Variants in JAK1 observed in about 807,000 individuals in gnomAD.
JAK1 encodes tyrosine-protein kinase JAK1.
A neutral mutation model predicts 136.6 loss-of-function variants in JAK1; 16 were observed. The ratio of observed to expected loss-of-function variants is 0.12; its 90% CI spans 0.08 to 0.18. The LOEUF is 0.18. JAK1 is among the 10% of genes least tolerant of loss of function. The pLI is 1.00. For missense variants in JAK1, 859 were observed against 1,450.1 expected (o/e 0.59, Z 6.62); for synonymous variants, 492 against 519.5 (o/e 0.95, Z 0.72).
At chr1:64,974,192 G>C (rs958338058) in intron 2 of JAK1, 4 of 152,104 alleles carry the variant, frequency 2.6e-5, no homozygotes, top group African/African-American at 9.7e-5. Flanking sequence ...AAAAAAACTT[G>C]ATTCTGATTT....
rs79182842 is a variant in JAK1 at position 64,936,080 on chromosome 1, G to A, written c.-78+30253C>T. Among the ~76,000 whole-genome samples, 1,210 of 152,282 alleles carry A rather than the reference G, an allele frequency of 7.9e-3. 6 individuals carry two copies. Among genetic ancestry groups the A allele is most frequent in the African/African-American group, 0.027 (1,119 of 41,566 alleles). On this transcript the variant is annotated intron_variant, in intron 1 of 24. Coordinates refer to ENST00000342505, the MANE Select transcript of JAK1 (RefSeq NM_002227.4). ...CCAGTGTCAATATGGGATCCGGCAG[G>A]AAGAGGCCAATGTGCAATTACTAAA...
intron 2 of JAK1, chr1:64,972,116 C>T (rs1359333318): frequency 2.0e-5 from 3 of 152,142 alleles, no homozygotes; most frequent in Non-Finnish European, 4.4e-5. Flanking sequence ...TACAATGACC[C>T]TAGTAGATGG....
rs1313928160 is a variant in JAK1, at chr1:64,887,082, A to G, written c.-77-741T>C. 1.3e-5 allele frequency among the ~76,000 whole-genome samples: 2 copies of G among 152,304 alleles called. 1 individual carries two copies. The highest frequency in any genetic ancestry group is 6.8e-3 in the Middle Eastern group (2 of 294). On this transcript the variant is annotated intron_variant, in intron 1 of 24. Coordinates refer to ENST00000342505, the MANE Select transcript of JAK1 (RefSeq NM_002227.4). The stretch of plus-strand genomic sequence containing the variant: ...GCCAGCATCCCCACAGGGCCTTACA[A>G]TAGAAGGTTGGAGACAGCACAAATG...
intron 4 of JAK1, among the ~76,000 whole-genome samples, chr1:64,878,401 C>T (rs565327666): frequency 6.6e-6 from 1 of 152,148 alleles, no homozygotes; most frequent in East Asian, 1.9e-4. Flanking sequence ...TACAGCTCCA[C>T]AGCCAAAAAT....
chr1:65,009,148 T>A (rs1553180848), intron 2 of JAK1, among the ~76,000 whole-genome samples: 1 of 152,152 alleles, frequency 6.6e-6, no homozygotes, highest in Non-Finnish European at 1.5e-5. Flanking sequence ...GGTATAGCCA[T>A]CCTATAGAAT....
At chr1:65,062,565 C>T (rs1307777947) in intron 1 of JAK1, among the ~76,000 whole-genome samples, 1 of 152,212 alleles carries the variant, frequency 6.6e-6, no homozygotes, top group African/African-American at 2.4e-5. Context: ...CAATTACACT[C>T]CACTTCCCTG....
intron 1 of JAK1, among the ~76,000 whole-genome samples, chr1:64,889,680 A>T (rs1258484538): frequency 6.6e-6 from 1 of 152,214 alleles, no homozygotes; most frequent in East Asian, 1.9e-4. Flanking sequence ...AATGTCAGAA[A>T]TTTTTCCAAG....
intron 1 of JAK1, among the ~76,000 whole-genome samples, chr1:64,931,165 T>C (rs567164868): frequency 2.6e-5 from 4 of 152,192 alleles, no homozygotes; most frequent in South Asian, 2.1e-4. Context: ...ATAAACTCTT[T>C]AGTACACTGA....
chr1:64,978,356 A>G (rs1646514887), intron 2 of JAK1, among the ~76,000 whole-genome samples: 2 of 152,224 alleles, frequency 1.3e-5, no homozygotes, highest in Non-Finnish European at 2.9e-5. Context: ...TAATTATTGT[A>G]TAGGATGTCA....
chr1:64,839,507 C>T (rs1654753875), intron 20 of JAK1, 96 bp downstream of exon 20: 3 of 1,039,676 alleles, frequency 2.9e-6, no homozygotes, highest in Non-Finnish European at 4.2e-6. Context: ...TGTCAGACGC[C>T]CAGGTAAGGC....
chr1:65,001,938 C>A (rs977455968), intron 2 of JAK1, among the ~76,000 whole-genome samples: 4 of 151,920 alleles, frequency 2.6e-5, no homozygotes, highest in Non-Finnish European at 4.4e-5. Flanking sequence ...TGTTAAGGAG[C>A]GTGAGTGCCC....
chr1:64,979,543 T>C (rs1038055138), intron 2 of JAK1: 1 of 152,222 alleles, frequency 6.6e-6, no homozygotes, highest in African/African-American at 2.4e-5. Context: ...ACACTTTAAG[T>C]CAATTCAGCA....
At chr1:64,987,020 A>G (rs2100711709) in intron 2 of JAK1, among the ~76,000 whole-genome samples, 1 of 152,362 alleles carries the variant, frequency 6.6e-6, no homozygotes, top group Non-Finnish European at 1.5e-5. Context: ...ACAAAAGGAA[A>G]GAAAGGCTCC....
intron 1 of JAK1, among the ~76,000 whole-genome samples, chr1:65,059,056 G>A (rs531703805): frequency 3.3e-5 from 5 of 151,538 alleles, no homozygotes; most frequent in Admixed American, 1.3e-4. Context: ...TTCACAAGAC[G>A]CTATGGGGCT....
intron 8 of JAK1, among the ~76,000 whole-genome samples, chr1:64,860,868 TGACGCG>T (rs1656274623): frequency 3.0e-5 from 3 of 100,076 alleles, no homozygotes; most frequent in Non-Finnish European, 6.7e-5. Context: ...GTGTTGGGGG[TGACGCG>T]GTGGGGGAGG....
At chr1:64,891,337 A>G (rs1021897379) in intron 1 of JAK1, among the ~76,000 whole-genome samples, 1 of 152,178 alleles carries the variant, frequency 6.6e-6, no homozygotes, top group African/African-American at 2.4e-5. Context: ...TGTCCCCATC[A>G]GCAACACCAC....
At chr1:64,880,978 T>C (rs1570696824) in intron 3 of JAK1, among the ~76,000 whole-genome samples, 1 of 151,862 alleles carries the variant, frequency 6.6e-6, no homozygotes, top group South Asian at 2.1e-4. Flanking sequence ...AATAAATAAA[T>C]AATTTTTTGG....
At chr1:64,986,503 G>T (rs116113130) in intron 2 of JAK1, among the ~76,000 whole-genome samples, 1 of 151,906 alleles carries the variant, frequency 6.6e-6, no homozygotes, top group South Asian at 2.1e-4. Context: ...TTTCCTTCTC[G>T]GCAGCAAGTT....
chr1:64,836,356 T>C (rs1282995501), intron 22 of JAK1, 141 bp from the exon 23 acceptor site: 1 of 652,300 alleles, frequency 1.5e-6, no homozygotes, highest in African/African-American at 1.8e-5. Flanking sequence ...ATTTTACACA[T>C]ACCATGTATA....
Sources: allele counts gnomAD v4.1 joint callset (sites outside exome capture counted in the v4.1 genomes callset), GRCh38; gene constraint gnomAD v4.1.1; transcripts MANE v1.5; gene names NCBI Gene and HGNC (gene_info 2026-07-23, HGNC 2026-07-21).